The following SPTBN4 variants were observed in gnomAD, a reference collection of about 807,000 sequenced individuals.
The protein encoded by SPTBN4 is spectrin beta, non-erythrocytic 4.
A neutral mutation model predicts 277.8 loss-of-function variants in SPTBN4; 96 were observed. That is an observed-to-expected ratio of 0.35 (90% CI 0.29 to 0.41). The LOEUF is 0.41. Among genes scored for constraint, SPTBN4 ranks in the 10% least tolerant of loss-of-function variants. SPTBN4 has a pLI of 1.00. For synonymous variants in SPTBN4, 1,481 were observed against 1,580.3 expected (o/e 0.94, Z 1.49); for missense variants, 3,006 against 3,595.7 (o/e 0.84, Z 4.19).
intron 2 of SPTBN4, among the ~76,000 whole-genome samples, chr19:40,473,636 C>G (rs993808057): frequency 2.0e-5 from 3 of 152,218 alleles, no homozygotes; most frequent in South Asian, 2.1e-4. Flanking sequence ...AGATTACAGG[C>G]ATGAGCCACG....
At chr19:40,470,901 G>A (rs2079877590) in intron 1 of SPTBN4, among the ~76,000 whole-genome samples, 1 of 151,728 alleles carries the variant, frequency 6.6e-6, no homozygotes, top group East Asian at 1.9e-4. Context: ...AAAGTGCTGG[G>A]ATTACAGGCA....
At position 40,472,597 on chromosome 19, in the gene SPTBN4, C is replaced by A. The variant is rs367780614; in HGVS notation, c.-15-10C>A. 2 of 1,594,096 alleles carry A rather than the reference C, an allele frequency of 1.3e-6. No homozygotes were observed. The highest frequency in any genetic ancestry group is 1.7e-6 in the Non-Finnish European group (2 of 1,166,802). ...GATCCTAGACCTAACCTACCTCTCC[C>A]TATGTCCAGGCCTCACCTTCCCCGA... On this transcript the variant is annotated splice_polypyrimidine_tract_variant and intron_variant, in intron 1 of 35. Coordinates refer to ENST00000598249, the MANE Select transcript of SPTBN4 (RefSeq NM_020971.3).
chr19:40,572,612 A>G, intron 35 of SPTBN4: 1 of 568,726 alleles, frequency 1.8e-6, no homozygotes, highest in Non-Finnish European at 3.1e-6. Flanking sequence ...AAAGTCCAAC[A>G]TCTTTGCCGT....
intron 12 of SPTBN4, 106 bp downstream of exon 12, chr19:40,504,238 G>A (rs1317265772): frequency 4.3e-6 from 5 of 1,158,920 alleles, no homozygotes; most frequent in Non-Finnish European, 6.0e-6. Context: ...GAAGGGCAGA[G>A]ATAGAAGAAG....
In SPTBN4 at chr19:40,557,003, C is replaced by T; in HGVS notation, c.5290-20C>T. 6 of 1,526,414 alleles carry T rather than the reference C, an allele frequency of 3.9e-6. No individual in the cohort carries two copies. The highest frequency in any genetic ancestry group is 2.0e-5 in the Admixed American group (1 of 51,112). The allele number at this position is 1,526,414 out of a possible 1,614,324, so 94.6% of individuals were successfully genotyped here. A position where few individuals can be genotyped will look rare whatever the true frequency, so the allele number is the denominator to read the frequency against. ...CTTTGCTCACTTTGCTGTACCCCCCCCCCCACTTCCTGATGGCAGGTGCTG... is the reference window on the plus strand; with the variant it reads ...CTTTGCTCACTTTGCTGTACCCCCCTCCCCACTTCCTGATGGCAGGTGCTG... On this transcript the variant is annotated intron_variant, in intron 25 of 35. Coordinates refer to ENST00000598249, the MANE Select transcript of SPTBN4 (RefSeq NM_020971.3).
intron 2 of SPTBN4, among the ~76,000 whole-genome samples, chr19:40,475,633 T>C (rs2079938117): frequency 6.6e-6 from 1 of 151,846 alleles, no homozygotes; most frequent in Non-Finnish European, 1.5e-5. Flanking sequence ...GGCTAATTTT[T>C]GTATTTTTAA....
intron 2 of SPTBN4, among the ~76,000 whole-genome samples, chr19:40,486,239 C>T (rs1161610394): frequency 6.6e-6 from 1 of 151,678 alleles, no homozygotes; most frequent in Non-Finnish European, 1.5e-5. Flanking sequence ...TGCAATGAGC[C>T]AAGATTGCAC....
intron 18 of SPTBN4, chr19:40,530,581 G>A: frequency 1.0e-6 from 1 of 980,694 alleles, no homozygotes; most frequent in Non-Finnish European, 1.2e-6. Flanking sequence ...CAACGCCACT[G>A]CCGCTTCAGG....
At chr19:40,485,259 C>T (rs1045741954) in intron 2 of SPTBN4, among the ~76,000 whole-genome samples, 4 of 152,220 alleles carry the variant, frequency 2.6e-5, no homozygotes, top group Non-Finnish European at 5.9e-5. Flanking sequence ...AAGCGATTGT[C>T]ATCCCTCAGC....
In SPTBN4 at chr19:40,556,264, C is replaced by A; in HGVS notation, c.5265C>A (p.Leu1755=). The part of the protein sequence containing the change: ...EKEVVAGSPE[L]GQDFEHVSVL... ...AGGTGGTGGCTGGCTCACCCGAGCT[C>A]GGCCAGGACTTTGAGCATGTCTCGG... The change falls in exon 25 of 36, where the codon CTC becomes CTA. Residue 1755 remains leucine (L), a synonymous_variant. Coordinates refer to ENST00000598249, the MANE Select transcript of SPTBN4 (RefSeq NM_020971.3). The A allele has an allele frequency of 6.2e-7, 1 of 1,612,514 alleles. No individual in the cohort carries two copies. Among genetic ancestry groups the A allele is most frequent in the Non-Finnish European group, 8.5e-7 (1 of 1,179,366 alleles).
intron 20 of SPTBN4, among the ~76,000 whole-genome samples, chr19:40,535,975 A>T (rs906303335): frequency 1.3e-5 from 2 of 152,000 alleles, no homozygotes; most frequent in Admixed American, 6.6e-5. Flanking sequence ...ATAAAAAAAT[A>T]AAAAAAATAA....
chr19:40,557,007 C>A lies in SPTBN4; in HGVS notation c.5290-16C>A, dbSNP rs199711291. The A allele has an allele frequency of 1.5e-4, 232 of 1,522,480 alleles. 1 individual carries two copies. Among genetic ancestry groups the A allele is most frequent in the Non-Finnish European group, 1.9e-4 (211 of 1,128,882 alleles). The allele number at this position is 1,522,480 out of a possible 1,614,324, so 94.3% of individuals were successfully genotyped here. Reference sequence around the variant, plus strand: ...GCTCACTTTGCTGTACCCCCCCCCCCACTTCCTGATGGCAGGTGCTGCAGG... The same window carrying A: ...GCTCACTTTGCTGTACCCCCCCCCCAACTTCCTGATGGCAGGTGCTGCAGG... On this transcript the variant is annotated splice_polypyrimidine_tract_variant and intron_variant, in intron 25 of 35. Coordinates refer to ENST00000598249, the MANE Select transcript of SPTBN4 (RefSeq NM_020971.3).
Position 40,575,583 on chromosome 19 carries a change from G to C in SPTBN4, c.*14G>C. ...CGCAGGAAGTGACTTCCCACCCCCAGGACCTGACACATCTCGTCTCCCCTC... is the reference window on the plus strand; with the variant it reads ...CGCAGGAAGTGACTTCCCACCCCCACGACCTGACACATCTCGTCTCCCCTC... On this transcript the variant is annotated 3_prime_UTR_variant, in exon 36 of 36. Coordinates refer to ENST00000598249, the MANE Select transcript of SPTBN4 (RefSeq NM_020971.3). The C allele has an allele frequency of 1.9e-6, 3 of 1,602,958 alleles. No homozygotes were observed. The highest frequency in any genetic ancestry group is 2.6e-6 in the Non-Finnish European group (3 of 1,175,062).
At position 40,513,084 on chromosome 19, in the gene SPTBN4, A is replaced by G; in HGVS notation, c.2295A>G (p.Arg765=). Residue 765 remains arginine, a synonymous_variant, in exon 14 of 36, where the codon CGA becomes CGG. Coordinates refer to ENST00000598249, the MANE Select transcript of SPTBN4 (RefSeq NM_020971.3). ...GGCTGGAAGAGGCGGCGGCGCGGCGAGAGCGGCGGCTGCAGGAGGCGCGGG... is the reference window on the plus strand; with the variant it reads ...GGCTGGAAGAGGCGGCGGCGCGGCGGGAGCGGCGGCTGCAGGAGGCGCGGG... ...WQRLEEAAAR[R]ERRLQEARAL... 7.1e-7 allele frequency: 1 copy of G among 1,413,554 alleles called. No homozygotes were observed. The highest frequency in any genetic ancestry group is 9.2e-7 in the Non-Finnish European group (1 of 1,091,502). 87.6% of individuals were successfully genotyped at this position (1,413,554 alleles called of 1,614,324 possible).
Position 40,567,849 on chromosome 19 carries a change from C to T in SPTBN4, c.6523C>T (p.Arg2175Trp), listed in dbSNP as rs1385242631. ...SDTLSAEVRT[R>W]VGYVRQELKP... ...CACGCTCTCGGCCGAGGTGCGGACT[C>T]GGGTGGGGTATGTGCGCCAGGAGCT... Residue 2175 changes from arginine (R) to tryptophan (W), a missense_variant, in exon 31 of 36, where the codon CGG becomes TGG. Arg to Trp is a moderately radical substitution (Grantham distance 101). This residue lies in a region of SPTBN4 where 630 missense variants were observed against 677.6 expected (regional missense o/e 0.93). Transcript: ENST00000598249. 2.0e-6 allele frequency: 3 copies of T among 1,524,456 alleles called. No homozygotes were observed. Among genetic ancestry groups the T allele is most frequent in the South Asian group, 2.4e-5 (2 of 82,094 alleles). 94.4% of individuals were successfully genotyped at this position (1,524,456 alleles called of 1,614,324 possible). A position where few individuals can be genotyped will look rare whatever the true frequency, so the allele number is the denominator to read the frequency against.
chr19:40,490,007 G>C lies in SPTBN4; in HGVS notation c.322-68G>C, dbSNP rs1294535935. The C allele has an allele frequency of 6.8e-7, 1 of 1,460,420 alleles. No individual in the cohort carries two copies. Among genetic ancestry groups the C allele is most frequent in the East Asian group, 2.5e-5 (1 of 39,718 alleles). 90.5% of individuals were successfully genotyped at this position (1,460,420 alleles called of 1,614,324 possible). A position where few individuals can be genotyped will look rare whatever the true frequency, so the allele number is the denominator to read the frequency against. ...CGGGAGGCGGGCTTCTTTGGAAGCT[G>C]CGGGGCCGAGGGCGCCATACTCCTG... On this transcript the variant is annotated intron_variant, in intron 3 of 35. Transcript: ENST00000598249. This position sits in a 1 kb window ranked among gnomAD's most constrained non-coding sequence, Gnocchi z 4.3.
At chr19:40,564,167 A>C (rs1385662641) in intron 27 of SPTBN4, among the ~76,000 whole-genome samples, 2 of 151,830 alleles carry the variant, frequency 1.3e-5, no homozygotes, top group East Asian at 3.9e-4. Context: ...CCAGCCTGAC[A>C]AACATGTTGA....
chr19:40,476,083 G>A (rs1027381950), intron 2 of SPTBN4, among the ~76,000 whole-genome samples: 7 of 151,694 alleles, frequency 4.6e-5, no homozygotes, highest in East Asian at 1.9e-4. Context: ...GGTAGCTCAC[G>A]CCTATAATCC....
At chr19:40,480,347 G>C (rs1445747369) in intron 2 of SPTBN4, among the ~76,000 whole-genome samples, 1 of 151,960 alleles carries the variant, frequency 6.6e-6, no homozygotes, top group Non-Finnish European at 1.5e-5. Context: ...TTGAGCCCGA[G>C]TTCCAGGCTG....
Sources: gnomAD v4.1 joint callset for allele counts (sites outside exome capture counted in the v4.1 genomes callset) on GRCh38, gnomAD v4.1.1 for gene constraint, gnomAD v4.1.1 regional missense constraint, Gnocchi (gnomAD v3.1) non-coding constraint, MANE v1.5 for transcripts, NCBI Gene and HGNC (gene_info 2026-07-23, HGNC 2026-07-21) for gene names.